The following RYR3 variants were observed in gnomAD, a reference collection of about 807,000 sequenced individuals.
RYR3 encodes the protein ryanodine receptor 3, also known as brain ryanodine receptor-calcium release channel.
RYR3 carries 207 observed loss-of-function variants against 584.3 expected under a neutral mutation model. The ratio of observed to expected loss-of-function variants is 0.35; its 90% confidence interval spans 0.32 to 0.40. The LOEUF (loss-of-function observed/expected upper bound fraction) is 0.40, where lower values mean the gene tolerates loss of function less well. RYR3 is among the 10% of genes least tolerant of loss of function. The pLI, the probability that RYR3 is intolerant of heterozygous loss-of-function variation, is 1.00. For missense variants in RYR3, 5,616 were observed against 6,089.2 expected, an observed-to-expected ratio of 0.92 and a Z score of 2.59; for synonymous variants, 2,416 against 2,248.5, an observed-to-expected ratio of 1.07 and a Z score of -2.11.
At chr15:33,408,547 T>C (rs2043176393) in intron 1 of RYR3, among the ~76,000 whole-genome samples, 1 of 152,260 alleles carries the variant, frequency 6.6e-6, no homozygotes, top group South Asian at 2.1e-4. Flanking sequence ...ATGGTAGTTC[T>C]GTTTTAAGTT....
At chr15:33,518,311 C>A (rs1595407980) in intron 3 of RYR3, among the ~76,000 whole-genome samples, 1 of 152,180 alleles carries the variant, frequency 6.6e-6, no homozygotes. Flanking sequence ...TAATGGTAAC[C>A]ACCAAACTTG....
chr15:33,408,756 A>G (rs2043191219), intron 1 of RYR3, among the ~76,000 whole-genome samples: 1 of 152,196 alleles, frequency 6.6e-6, no homozygotes, highest in Non-Finnish European at 1.5e-5. Flanking sequence ...TTAAAGTATA[A>G]ATATGTCCCA....
intron 2 of RYR3, among the ~76,000 whole-genome samples, chr15:33,500,668 C>A (rs565337469): frequency 6.6e-6 from 1 of 152,248 alleles, no homozygotes; most frequent in African/African-American, 2.4e-5. Context: ...CAAACACTTG[C>A]CCCGTGCCTG....
At chr15:33,819,149 A>G (rs2076976717) in intron 76 of RYR3, among the ~76,000 whole-genome samples, 1 of 152,090 alleles carries the variant, frequency 6.6e-6, no homozygotes, top group African/African-American at 2.4e-5. Context: ...GTCTAGGGAA[A>G]CTACATCAAG....
intron 3 of RYR3, among the ~76,000 whole-genome samples, chr15:33,505,268 T>C (rs1418152897): frequency 6.6e-6 from 1 of 152,244 alleles, no homozygotes; most frequent in Non-Finnish European, 1.5e-5. Context: ...ATTAGATCTC[T>C]AAACCCCTTA....
At chr15:33,341,107 C>G (rs1971757552) in intron 1 of RYR3, among the ~76,000 whole-genome samples, 1 of 152,064 alleles carries the variant, frequency 6.6e-6, no homozygotes, top group African/African-American at 2.4e-5. Context: ...GGTGTGATCT[C>G]AGCTCACTGC....
Position 33,828,090 on chromosome 15 carries a change from A to G in RYR3, c.11334+803A>G, listed in dbSNP as rs555060414. 5.9e-5 allele frequency among the ~76,000 whole-genome samples: 9 copies of G among 152,234 alleles called. No homozygotes were observed. The East Asian group carries it at 1.7e-3, about 29-fold the overall frequency. On this transcript the variant is annotated intron_variant, in intron 85 of 103. Transcript: ENST00000634891. ...TTTGATGATTCTCACAATATTTCCA[A>G]CTTTTCACTATTATATCTATTATGG...
At chr15:33,595,405 T>C (rs1011967366) in intron 16 of RYR3, among the ~76,000 whole-genome samples, 1 of 152,218 alleles carries the variant, frequency 6.6e-6, no homozygotes, top group South Asian at 2.1e-4. Flanking sequence ...AGTTGGTTAA[T>C]GCTTCAAGAA....
chr15:33,613,089 A>T, intron 18 of RYR3, 94 bp from the exon 19 acceptor site: 1 of 879,202 alleles, frequency 1.1e-6, no homozygotes, highest in Non-Finnish European at 1.8e-6. Context: ...TACCCATCAC[A>T]CCTCCCCACC....
chr15:33,622,997 G>T (rs1381337874), intron 19 of RYR3, among the ~76,000 whole-genome samples: 1 of 152,232 alleles, frequency 6.6e-6, no homozygotes, highest in Non-Finnish European at 1.5e-5. Flanking sequence ...ACTTCTGCAT[G>T]GTGGTAATCA....
At chr15:33,812,017 A>G (rs1001299029) in intron 72 of RYR3, among the ~76,000 whole-genome samples, 2 of 152,174 alleles carry the variant, frequency 1.3e-5, no homozygotes, top group African/African-American at 2.4e-5. Flanking sequence ...CAATAAAAAG[A>G]AATCTCTAGG....
At chr15:33,635,905 C>A in intron 26 of RYR3, 86 bp downstream of exon 26, 1 of 1,190,660 alleles carries the variant, frequency 8.4e-7, no homozygotes, top group Non-Finnish European at 1.2e-6. Context: ...ATTACTGGAT[C>A]TCTGGCTTCA....
At chr15:33,784,812 G>A (rs2074605206) in intron 65 of RYR3, among the ~76,000 whole-genome samples, 1 of 152,192 alleles carries the variant, frequency 6.6e-6, no homozygotes, top group Non-Finnish European at 1.5e-5. Flanking sequence ...GCAGGAAAGA[G>A]TGTCCTTTAC....
chr15:33,854,255 CATA>C lies in RYR3; in HGVS notation c.13800-133_13800-131del. Reference sequence around the variant, plus strand: ...CTGTTCTCTTGTCTCATGGGGAGCACATACAACTTGATAAAGCTGAGAGCCATA... The same window carrying C: ...CTGTTCTCTTGTCTCATGGGGAGCACCAACTTGATAAAGCTGAGAGCCATA... On this transcript the variant is annotated intron_variant, in intron 96 of 103. Coordinates refer to ENST00000634891, the MANE Select transcript of RYR3 (RefSeq NM_001036.6). 4.4e-6 allele frequency: 3 copies of C among 688,812 alleles called. No homozygotes were observed. In the South Asian group the frequency reaches 5.3e-5, roughly 12 times the overall value. The allele number at this position is 688,812 out of a possible 1,614,324, so 42.7% of individuals were successfully genotyped here.
intron 3 of RYR3, among the ~76,000 whole-genome samples, chr15:33,505,758 C>T (rs2052424671): frequency 6.6e-6 from 1 of 152,134 alleles, no homozygotes; most frequent in Non-Finnish European, 1.5e-5. Flanking sequence ...TTCCAAAGTG[C>T]TGGGATTACA....
intron 19 of RYR3, among the ~76,000 whole-genome samples, chr15:33,622,061 G>A (rs2060753118): frequency 1.3e-5 from 2 of 152,146 alleles, no homozygotes; most frequent in Non-Finnish European, 2.9e-5. Context: ...GATCACCTCC[G>A]TCCAACCCAC....
chr15:33,747,946 G>A (rs577324829), intron 53 of RYR3, among the ~76,000 whole-genome samples, 168 bp from the exon 54 acceptor site: 1 of 152,306 alleles, frequency 6.6e-6, no homozygotes, highest in African/African-American at 2.4e-5. Flanking sequence ...ACACCAGAAA[G>A]ACTGTGTTTC....
chr15:33,767,084 A>C (rs916040253), intron 60 of RYR3, among the ~76,000 whole-genome samples: 3 of 152,270 alleles, frequency 2.0e-5, no homozygotes, highest in African/African-American at 7.2e-5. Context: ...TTTTGTGTTT[A>C]CACAGAACAT....
At chr15:33,394,529 A>G (rs2042187508) in intron 1 of RYR3, among the ~76,000 whole-genome samples, 2 of 152,326 alleles carry the variant, frequency 1.3e-5, no homozygotes, top group Middle Eastern at 3.4e-3. Flanking sequence ...GTTTTCCATC[A>G]GGTTGAGTCA....
Sources: allele counts gnomAD v4.1 joint callset (sites outside exome capture counted in the v4.1 genomes callset), GRCh38; gene constraint gnomAD v4.1.1; transcripts MANE v1.5; gene names NCBI Gene and HGNC (gene_info 2026-07-23, HGNC 2026-07-21).